FBXL17: variants seen among roughly 807,000 people sequenced by gnomAD.
The protein encoded by FBXL17 is F-box/LRR-repeat protein 17.
Under a neutral mutation model 66.2 loss-of-function variants are expected in FBXL17, and 22 were observed. The ratio of observed to expected loss-of-function variants is 0.33; its 90% CI spans 0.24 to 0.47. FBXL17 has a LOEUF of 0.47. FBXL17 is among the 20% of genes least tolerant of loss of function. FBXL17 has a pLI of 1.00. For missense variants in FBXL17, 878 were observed against 948.2 expected (o/e 0.93, Z 0.97); for synonymous variants, 474 against 400.5 (o/e 1.18, Z -2.19).
At chr5:108,102,036 T>C (rs1749621588) in intron 6 of FBXL17, among the ~76,000 whole-genome samples, 1 of 152,184 alleles carries the variant, frequency 6.6e-6, no homozygotes, top group Admixed American at 6.5e-5. Context: ...GGAATTTAAG[T>C]GGCTGGGGCC....
chr5:108,361,244 G>A (rs575614125), intron 3 of FBXL17, among the ~76,000 whole-genome samples: 10 of 152,120 alleles, frequency 6.6e-5, no homozygotes, highest in Admixed American at 2.0e-4. Context: ...ACTTCCCTAC[G>A]CTTCACTATT....
At chr5:107,950,021 T>C (rs1474160655) in intron 7 of FBXL17, among the ~76,000 whole-genome samples, 1 of 152,222 alleles carries the variant, frequency 6.6e-6, no homozygotes, top group Admixed American at 6.5e-5. Flanking sequence ...CTGTCCCATA[T>C]GCCTTTAATT....
intron 7 of FBXL17, among the ~76,000 whole-genome samples, chr5:107,914,337 A>G (rs1171534126): frequency 6.6e-6 from 1 of 152,212 alleles, no homozygotes; most frequent in Non-Finnish European, 1.5e-5. Flanking sequence ...TACCCAAATT[A>G]TGAGTTCTCT....
chr5:108,003,416 C>T (rs190539678), intron 7 of FBXL17, among the ~76,000 whole-genome samples: 95 of 152,028 alleles, frequency 6.2e-4, no homozygotes, highest in Non-Finnish European at 9.9e-4. Flanking sequence ...AGTGGGTTCC[C>T]ATAGATAAAG....
intron 6 of FBXL17, among the ~76,000 whole-genome samples, chr5:108,023,647 A>G (rs1488320950): frequency 6.6e-6 from 1 of 152,148 alleles, no homozygotes; most frequent in Non-Finnish European, 1.5e-5. Context: ...TACATAACAC[A>G]AGTCTGTGAA....
At chr5:108,103,096 T>C (rs1749663591) in intron 6 of FBXL17, among the ~76,000 whole-genome samples, 1 of 152,230 alleles carries the variant, frequency 6.6e-6, no homozygotes, top group African/African-American at 2.4e-5. Context: ...TTAGGACTAT[T>C]CCATTTTTCT....
chr5:107,932,317 T>C (rs917044613), intron 7 of FBXL17, among the ~76,000 whole-genome samples: 1 of 152,180 alleles, frequency 6.6e-6, no homozygotes, highest in African/African-American at 2.4e-5. Context: ...AGTAGTACTC[T>C]TAATTAATAC....
chr5:108,369,168 C>A (rs746038538), intron 1 of FBXL17, among the ~76,000 whole-genome samples: 1 of 152,284 alleles, frequency 6.6e-6, no homozygotes, highest in East Asian at 1.9e-4. Flanking sequence ...TTCACTGAGT[C>A]AGACTAAGGC....
intron 7 of FBXL17, among the ~76,000 whole-genome samples, chr5:108,012,452 T>C (rs1013718174): frequency 6.6e-6 from 1 of 152,148 alleles, no homozygotes; most frequent in Non-Finnish European, 1.5e-5. Flanking sequence ...TTAGATCTCA[T>C]GGGGTAGCGC....
At chr5:108,174,748 CAAAAA>C (rs34237156) in intron 6 of FBXL17, among the ~76,000 whole-genome samples, 11 of 92,516 alleles carry the variant, frequency 1.2e-4, no homozygotes, top group Admixed American at 1.2e-4. Flanking sequence ...CACAAAGAAG[CAAAAA>C]AAAAAAAAAA....
At chr5:108,161,803 G>A (rs922501798) in intron 6 of FBXL17, among the ~76,000 whole-genome samples, 4 of 152,198 alleles carry the variant, frequency 2.6e-5, no homozygotes, top group Non-Finnish European at 4.4e-5. Flanking sequence ...GTGAGAACCA[G>A]GGACCATCTT....
chr5:107,895,869 A>T (rs1459862528), intron 7 of FBXL17, among the ~76,000 whole-genome samples: 1 of 152,152 alleles, frequency 6.6e-6, no homozygotes, highest in East Asian at 1.9e-4. Context: ...ACATGGTATT[A>T]ATAACAATGA....
chr5:108,380,185 A>G (rs1749743249), intron 1 of FBXL17, among the ~76,000 whole-genome samples: 1 of 152,200 alleles, frequency 6.6e-6, no homozygotes, highest in South Asian at 2.1e-4. Flanking sequence ...AGATATTAAC[A>G]GTATTTATCT....
At chr5:107,862,663 T>C (rs1748159489) in intron 8 of FBXL17, among the ~76,000 whole-genome samples, 2 of 152,244 alleles carry the variant, frequency 1.3e-5, no homozygotes, top group African/African-American at 4.8e-5. Context: ...AAAATCTTTA[T>C]TGAACACTTG....
chr5:108,361,719 G>A (rs757823499), intron 3 of FBXL17, among the ~76,000 whole-genome samples: 5 of 152,078 alleles, frequency 3.3e-5, no homozygotes, highest in Non-Finnish European at 7.4e-5. Context: ...CTTATACTGT[G>A]TTCAATCAAT....
intron 5 of FBXL17, among the ~76,000 whole-genome samples, chr5:108,216,865 T>C (rs547943571): frequency 2.6e-5 from 4 of 152,206 alleles, no homozygotes; most frequent in South Asian, 4.1e-4. Context: ...CCCATTTGGA[T>C]AAAAACTTGC....
intron 8 of FBXL17, among the ~76,000 whole-genome samples, chr5:107,877,236 C>T (rs551262674): frequency 1.3e-5 from 2 of 152,286 alleles, no homozygotes; most frequent in African/African-American, 4.8e-5. Flanking sequence ...TGCATTGTTG[C>T]ACGACTGGAG....
intron 7 of FBXL17, among the ~76,000 whole-genome samples, chr5:107,979,743 T>A (rs574386533): frequency 1.3e-5 from 2 of 152,240 alleles, no homozygotes; most frequent in Non-Finnish European, 2.9e-5. Context: ...CTTTTATTGT[T>A]TATTTGAACA....
At chr5:108,270,645 A>C (rs1008834611) in intron 4 of FBXL17, among the ~76,000 whole-genome samples, 1 of 151,804 alleles carries the variant, frequency 6.6e-6, no homozygotes, top group Admixed American at 6.6e-5. Context: ...TTTCTTTCTC[A>C]GTATGATGTT....
Sources: gnomAD v4.1 joint callset for allele counts (sites outside exome capture counted in the v4.1 genomes callset) on GRCh38, gnomAD v4.1.1 for gene constraint, MANE v1.5 for transcripts, NCBI Gene and HGNC (gene_info 2026-07-23, HGNC 2026-07-21) for gene names.